GPR173: variants seen among roughly 807,000 people sequenced by gnomAD.
GPR173 encodes probable G protein-coupled receptor 173.
In GPR173, 2 loss-of-function variants were observed where a neutral mutation model predicts 13.9. The ratio of observed to expected loss-of-function variants is 0.14; its 90% CI spans 0.06 to 0.45. The LOEUF (loss-of-function observed/expected upper bound fraction) is 0.45, where lower values mean the gene tolerates loss of function less well. Among genes scored for constraint, GPR173 ranks in the 20% least tolerant of loss-of-function variants. The pLI is 0.98. For synonymous variants in GPR173, 131 were observed against 141.0 expected, an observed-to-expected ratio of 0.93 and a Z score of 0.50; for missense variants, 202 against 340.5, an observed-to-expected ratio of 0.59 and a Z score of 3.20.
intron 1 of GPR173, among the ~76,000 whole-genome samples, chrX:53,058,424 C>CGT (rs112505843): frequency 0.019 from 1,882 of 100,906 alleles, 14 homozygotes; most frequent in East Asian, 0.055. Context: ...TCCAGGTGCA[C>CGT]GTGTGTGTGT....
chrX:53,051,012 C>A (rs1175635682), intron 1 of GPR173, among the ~76,000 whole-genome samples: 2 of 112,418 alleles, frequency 1.8e-5, no homozygotes, highest in Non-Finnish European at 3.8e-5. Context: ...GTATGTGTCT[C>A]CCTGTTGAGG....
At chrX:53,050,449 TGGA>T (rs1369791470) in intron 1 of GPR173, among the ~76,000 whole-genome samples, 1 of 112,125 alleles carries the variant, frequency 8.9e-6, no homozygotes, top group Non-Finnish European at 1.9e-5. Context: ...GCCTGGTACA[TGGA>T]GAACATGGAT....
At position 53,067,810 on chromosome X, in the gene GPR173, C is replaced by T. The variant is rs1469295614; in HGVS notation, c.-97-8715C>T. Among the ~76,000 whole-genome samples the T allele has an allele frequency of 1.7e-4, 12 of 68,841 alleles. No individual in the cohort carries two copies. The Admixed American group carries it at 2.1e-3, about 12-fold the overall frequency. The allele number at this position is 68,841 out of a possible 115,157, so 59.8% of individuals were successfully genotyped here. On this transcript the variant is annotated intron_variant, in intron 1 of 1. Transcript: ENST00000332582. ...CTGCACTCCCGCCTGGGCGACAGAGCGAGACTCCATCTCAAAAAAAAAAAA... is the reference window on the plus strand; with the variant it reads ...CTGCACTCCCGCCTGGGCGACAGAGTGAGACTCCATCTCAAAAAAAAAAAA...
At chrX:53,055,979 TGTGA>T (rs1932030126) in intron 1 of GPR173, among the ~76,000 whole-genome samples, 2 of 108,235 alleles carry the variant, frequency 1.8e-5, no homozygotes, top group African/African-American at 3.4e-5. Flanking sequence ...AATTTGTGAG[TGTGA>T]GTAATTGGAT....
Position 53,076,760 on chromosome X carries a change from G to T in GPR173, c.139G>T (p.Val47Leu), listed in dbSNP as rs782221322. ...LAGNAILSLL[V>L]LKERALHKAP... ...GGGTAACGCCATCTTGTCCCTGCTG[G>T]TGCTCAAGGAGCGTGCCCTGCACAA... Residue 47 changes from valine to leucine, a missense_variant, in exon 2 of 2, where the codon GTG becomes TTG. By Grantham distance (32) the Val-to-Leu change is conservative. Around this residue, in one of 3 missense-constraint regions of GPR173, gnomAD observed 98 missense variants for 137.2 expected, o/e 0.71. Coordinates refer to ENST00000332582, the MANE Select transcript of GPR173 (RefSeq NM_018969.6). The T allele has an allele frequency of 8.3e-7, 1 of 1,211,554 alleles. No homozygotes were observed. The highest frequency in any genetic ancestry group is 1.8e-5 in the South Asian group (1 of 57,033).
At position 53,072,393 on chromosome X, in the gene GPR173, G is replaced by GCTCTCTCTCTCT. The variant is rs111935395; in HGVS notation, c.-97-4119_-97-4108dup. ...TCCCTGCTCTCCTTTTCTCTCTCTTGCTCTCTCTCTCTCTCTCTCTCTCTA... is the reference window on the plus strand; with the variant it reads ...TCCCTGCTCTCCTTTTCTCTCTCTTGCTCTCTCTCTCTCTCTCTCTCTCTCTCTCTCTCTCTA... On this transcript the variant is annotated intron_variant, in intron 1 of 1. Transcript: ENST00000332582. 8.5e-3 allele frequency among the ~76,000 whole-genome samples: 764 copies of GCTCTCTCTCTCT among 90,085 alleles called. 14 individuals carry two copies. The highest frequency in any genetic ancestry group is 0.022 in the African/African-American group (506 of 22,882). 78.2% of individuals were successfully genotyped at this position (90,085 alleles called of 115,157 possible).
At chrX:53,055,310 G>A (rs12007081) in intron 1 of GPR173, among the ~76,000 whole-genome samples, 32,600 of 108,655 alleles carry the variant, frequency 0.3, 4,951 homozygotes, top group African/African-American at 0.58. Flanking sequence ...GAGAAAGTGT[G>A]TAGGTACGTT....
chrX:53,065,552 G>A (rs1243521280), intron 1 of GPR173: 1 of 111,972 alleles, frequency 8.9e-6, no homozygotes, highest in Non-Finnish European at 1.9e-5. Context: ...GCCAGGCAGA[G>A]ACTAAGGTTT....
chrX:53,067,696 T>C (rs782357631), intron 1 of GPR173, among the ~76,000 whole-genome samples: 19 of 110,331 alleles, frequency 1.7e-4, no homozygotes, highest in South Asian at 7.7e-4. Context: ...TGGTGGCAGG[T>C]GCCTGTAGTC....
chrX:53,077,265 G>A lies in GPR173; in HGVS notation c.644G>A (p.Arg215His). The A allele has an allele frequency of 8.4e-7, 1 of 1,183,465 alleles. No individual in the cohort carries two copies. The highest frequency in any genetic ancestry group is 1.1e-6 in the Non-Finnish European group (1 of 880,320). Residue 215 changes from arginine (R) to histidine (H), a missense_variant, in exon 2 of 2, where the codon CGC (arginine) becomes CAC (histidine). By Grantham distance (29) the Arg-to-His change is conservative. This residue lies in a region of GPR173 where 28 missense variants were observed against 87.0 expected (regional missense o/e 0.32). Transcript: ENST00000332582. ...CTGCTCCTCTTCGAGTATCGTCACCGCAAGATGAAGCCAGTGCAGATGGTG... is the reference window on the plus strand; with the variant it reads ...CTGCTCCTCTTCGAGTATCGTCACCACAAGATGAAGCCAGTGCAGATGGTG... ...GKLLLFEYRHRKMKPVQMVPA... is the reference protein window; with the variant it reads ...GKLLLFEYRHHKMKPVQMVPA...
At chrX:53,054,160 G>C (rs782191147) in intron 1 of GPR173, among the ~76,000 whole-genome samples, 1 of 111,238 alleles carries the variant, frequency 9.0e-6, no homozygotes, top group South Asian at 3.7e-4. Flanking sequence ...GTGTGTGTGT[G>C]TGTGTGTAGA....
intron 1 of GPR173, among the ~76,000 whole-genome samples, chrX:53,075,340 C>T (rs781821128): frequency 3.8e-5 from 4 of 106,260 alleles, no homozygotes; most frequent in Non-Finnish European, 5.8e-5. Flanking sequence ...GCAGCATCTT[C>T]CCCACCCCTA....
At chrX:53,066,091 C>T (rs1416450832) in intron 1 of GPR173, among the ~76,000 whole-genome samples, 3 of 111,377 alleles carry the variant, frequency 2.7e-5, no homozygotes, top group Non-Finnish European at 5.7e-5. Context: ...CAGAGTGAGA[C>T]CCTGTTTCCA....
At chrX:53,067,823 C>CAAAAA (rs58304820) in intron 1 of GPR173, among the ~76,000 whole-genome samples, 1 of 77,465 alleles carries the variant, frequency 1.3e-5, no homozygotes, top group Non-Finnish European at 2.4e-5. Flanking sequence ...GACTCCATCT[C>CAAAAA]AAAAAAAAAA....
intron 1 of GPR173, among the ~76,000 whole-genome samples, chrX:53,073,227 A>G (rs1314880583): frequency 4.6e-5 from 5 of 109,013 alleles, no homozygotes; most frequent in Non-Finnish European, 9.5e-5. Context: ...TGTCTAAAAA[A>G]AAAAAAAAAA....
intron 1 of GPR173, among the ~76,000 whole-genome samples, chrX:53,057,605 T>G (rs1342880411): frequency 1.9e-4 from 19 of 102,319 alleles, no homozygotes; most frequent in Non-Finnish European, 2.8e-4. Flanking sequence ...ACACACAAAA[T>G]TAGCCAGGCG....
chrX:53,075,799 T>C (rs1351742160), intron 1 of GPR173, among the ~76,000 whole-genome samples: 1 of 110,784 alleles, frequency 9.0e-6, no homozygotes, highest in Non-Finnish European at 1.9e-5. Context: ...TAAAGAAATC[T>C]ATTAAGTGAG....
At position 53,076,980 on chromosome X, in the gene GPR173, C is replaced by T. The variant is rs189093134; in HGVS notation, c.359C>T (p.Thr120Ile). 16 of 1,209,188 alleles carry T rather than the reference C, an allele frequency of 1.3e-5. No individual in the cohort carries two copies. Among genetic ancestry groups the T allele is most frequent in the African/African-American group, 8.7e-5 (5 of 57,641 alleles). ...AAFMLFCISV[T>I]RYMAIAHHRF... is the part of the protein sequence containing the mutation. ...TTCATGCTGTTCTGCATCAGCGTCA[C>T]CCGCTACATGGCCATCGCCCACCAC... The change falls in exon 2 of 2, where the codon ACC (threonine) becomes ATC (isoleucine). Residue 120 changes from threonine (T) to isoleucine (I), a missense_variant. Thr to Ile is a moderately conservative substitution (Grantham distance 89). This residue lies in a region of GPR173 where 98 missense variants were observed against 137.2 expected (regional missense o/e 0.71). Transcript: ENST00000332582.
chrX:53,060,025 T>TACACACAC (rs782269275), intron 1 of GPR173, among the ~76,000 whole-genome samples: 72 of 82,295 alleles, frequency 8.7e-4, no homozygotes, highest in African/African-American at 5.4e-3. Flanking sequence ...TATATATATA[T>TACACACAC]ATATATACAC....
Sources: gnomAD v4.1 joint callset for allele counts (sites outside exome capture counted in the v4.1 genomes callset) on GRCh38, gnomAD v4.1.1 for gene constraint, gnomAD v4.1.1 regional missense constraint, MANE v1.5 for transcripts, NCBI Gene and HGNC (gene_info 2026-07-23, HGNC 2026-07-21) for gene names.